Variants in ASB7 observed in about 807,000 individuals in gnomAD.
ASB7 encodes the protein ankyrin repeat and SOCS box protein 7.
Under a neutral mutation model 32.5 loss-of-function variants are expected in ASB7, and 4 were observed. The ratio of observed to expected loss-of-function variants is 0.12; its 90% CI spans 0.06 to 0.28. The LOEUF (loss-of-function observed/expected upper bound fraction) is 0.28, where lower values mean the gene tolerates loss of function less well. Among genes scored for constraint, ASB7 ranks in the 10% least tolerant of loss-of-function variants. The probability of loss-of-function intolerance (pLI) is 1.00; values close to 1 mark genes in which losing one functional copy is unlikely to be tolerated. For synonymous variants in ASB7, 172 were observed against 155.6 expected, an observed-to-expected ratio of 1.11 and a Z score of -0.78; for missense variants, 181 against 407.1, an observed-to-expected ratio of 0.44 and a Z score of 4.78.
chr15:100,615,471 A>C (rs557582728), intron 4 of ASB7, among the ~76,000 whole-genome samples: 1 of 152,228 alleles, frequency 6.6e-6, no homozygotes, highest in Non-Finnish European at 1.5e-5. Context: ...TATAGTATTG[A>C]TAGGTATGGA....
chr15:100,632,548 A>AGGTT (rs1289208310), intron 5 of ASB7, among the ~76,000 whole-genome samples: 3 of 152,274 alleles, frequency 2.0e-5, no homozygotes, highest in Non-Finnish European at 4.4e-5. Context: ...GCTTGAAAGA[A>AGGTT]GGTTGGTTGG....
intron 4 of ASB7, among the ~76,000 whole-genome samples, chr15:100,618,335 G>A (rs532051511): frequency 2.4e-4 from 36 of 151,784 alleles, no homozygotes; most frequent in African/African-American, 8.5e-4. Context: ...GGCTGGTCCC[G>A]AACTCCTGAT....
Position 100,629,180 on chromosome 15 carries a change from C to T in ASB7, c.212-257C>T, listed in dbSNP as rs538045051. 2.6e-5 allele frequency among the ~76,000 whole-genome samples: 4 copies of T among 152,260 alleles called. No homozygotes were observed. In the East Asian group the frequency reaches 7.7e-4, roughly 29 times the overall value. Reference sequence around the variant, plus strand: ...ACAGGGGATGTGGTGATCTGTACTCCGTGTTTTTTGTGTATATCTTTTTAA... The same window carrying T: ...ACAGGGGATGTGGTGATCTGTACTCTGTGTTTTTTGTGTATATCTTTTTAA... On this transcript the variant is annotated intron_variant, in intron 4 of 5. Transcript: ENST00000332783. The surrounding 1 kb of genome is among the most constrained non-coding windows in gnomAD (Gnocchi z 6.8).
At chr15:100,646,490 G>A (rs372900793) in intron 5 of ASB7, 1 of 468,428 alleles carries the variant, frequency 2.1e-6, no homozygotes, top group South Asian at 1.6e-5. Context: ...CCCTTAATAA[G>A]GAAATCAAAC....
chr15:100,606,405 G>A (rs774836052), intron 2 of ASB7, among the ~76,000 whole-genome samples: 11 of 152,166 alleles, frequency 7.2e-5, no homozygotes, highest in Non-Finnish European at 1.6e-4. Flanking sequence ...ATAATAATAT[G>A]CAAAAAGTCA....
rs2040025813 is a variant in ASB7, at chr15:100,650,665, T to C, written c.*2203T>C. The C allele has an allele frequency of 1.3e-5, 2 of 152,220 alleles. No homozygotes were observed. The highest frequency in any genetic ancestry group is 4.8e-5 in the African/African-American group (2 of 41,454). 9.4% of individuals were successfully genotyped at this position (152,220 alleles called of 1,614,324 possible). A position where few individuals can be genotyped will look rare whatever the true frequency, so the allele number is the denominator to read the frequency against. On this transcript the variant is annotated 3_prime_UTR_variant, in exon 6 of 6. Coordinates refer to ENST00000332783, the MANE Select transcript of ASB7 (RefSeq NM_198243.3). ...GATCAGATTAAGGTAAATTCTTTGT[T>C]CTGTATTGCTGCTGTGACTTCAGAA...
At chr15:100,621,780 AGAG>A (rs2039794328) in intron 4 of ASB7, among the ~76,000 whole-genome samples, 1 of 152,122 alleles carries the variant, frequency 6.6e-6, no homozygotes, top group African/African-American at 2.4e-5. Flanking sequence ...GGCAAATGAT[AGAG>A]AAGATAGATG....
intron 4 of ASB7, among the ~76,000 whole-genome samples, chr15:100,617,181 G>A (rs1033888137): frequency 4.6e-5 from 7 of 152,146 alleles, no homozygotes. Context: ...TGCTACAGTG[G>A]TCTCTTCCAT....
intron 5 of ASB7, chr15:100,645,670 C>T (rs1036986835): frequency 2.8e-5 from 39 of 1,409,048 alleles, no homozygotes; most frequent in African/African-American, 7.1e-5. Context: ...AGGTTAGGGA[C>T]GGCAACACGA....
intron 4 of ASB7, among the ~76,000 whole-genome samples, chr15:100,623,709 A>G (rs572320313): frequency 4.6e-5 from 7 of 152,366 alleles, no homozygotes; most frequent in Middle Eastern, 6.8e-3. Context: ...AATACTATGT[A>G]ATCCAGCAGT....
In ASB7 at chr15:100,651,147, T is replaced by C. The variant is rs1015791433; in HGVS notation, c.*2685T>C. ...CCAAAGAAACCAGCTTACAAAAGAT[T>C]ATGATCATTAATGAACTGCAAACCT... On this transcript the variant is annotated 3_prime_UTR_variant, in exon 6 of 6. Coordinates refer to ENST00000332783, the MANE Select transcript of ASB7 (RefSeq NM_198243.3). 3 of 151,962 alleles carry C rather than the reference T, an allele frequency of 2.0e-5. No individual in the cohort carries two copies. The highest frequency in any genetic ancestry group is 4.4e-5 in the Non-Finnish European group (3 of 67,990). The allele number at this position is 151,962 out of a possible 1,614,324, so 9.4% of individuals were successfully genotyped here.
intron 4 of ASB7, among the ~76,000 whole-genome samples, chr15:100,620,433 AC>A (rs1393684098): frequency 6.6e-6 from 1 of 152,174 alleles, no homozygotes; most frequent in Admixed American, 6.5e-5. Context: ...TTGCTGCTTT[AC>A]CTTCAAGCAT....
Position 100,611,484 on chromosome 15 carries a change from C to CTTTTTTTTTTTTT in ASB7, c.-51-681_-51-669dup, listed in dbSNP as rs61153969. Among the ~76,000 whole-genome samples, 75 of 77,132 alleles carry CTTTTTTTTTTTTT rather than the reference C, an allele frequency of 9.7e-4. 8 individuals carry two copies. Among genetic ancestry groups the CTTTTTTTTTTTTT allele is most frequent in the Admixed American group, 1.8e-3 (8 of 4,496 alleles). 50.6% of individuals were successfully genotyped at this position (77,132 alleles called of 152,430 possible). A position where few individuals can be genotyped will look rare whatever the true frequency, so the allele number is the denominator to read the frequency against. On this transcript the variant is annotated intron_variant, in intron 3 of 5. Transcript: ENST00000332783. ...GGTTAATCACCAGATTGTTTCGATTCTTTTTTTTTTTTTGAGACAGAATTT... is the reference window on the plus strand; with the variant it reads ...GGTTAATCACCAGATTGTTTCGATTCTTTTTTTTTTTTTTTTTTTTTTTTTTGAGACAGAATTT...
intron 4 of ASB7, among the ~76,000 whole-genome samples, chr15:100,622,576 C>G (rs556420030): frequency 6.6e-6 from 1 of 152,238 alleles, no homozygotes; most frequent in African/African-American, 2.4e-5. Context: ...GCTCTAGTAA[C>G]CAAAACAGCA....
Position 100,602,896 on chromosome 15 carries a change from G to A in ASB7, c.-423G>A. 1 of 398,252 alleles carries A rather than the reference G, an allele frequency of 2.5e-6. No individual in the cohort carries two copies. Among genetic ancestry groups the A allele is most frequent in the East Asian group, 3.6e-5 (1 of 28,050 alleles). The allele number at this position is 398,252 out of a possible 1,614,324, so 24.7% of individuals were successfully genotyped here. ...ATCGCCACCTCCTGCCTTCTCGGCTGTTCGGATGTTCGCCGGGCTGGGGCC... is the reference window on the plus strand; with the variant it reads ...ATCGCCACCTCCTGCCTTCTCGGCTATTCGGATGTTCGCCGGGCTGGGGCC... On this transcript the variant is annotated 5_prime_UTR_variant, in exon 1 of 6. Transcript: ENST00000332783.
At chr15:100,612,114 A>C in intron 3 of ASB7, 52 bp from the exon 4 acceptor site, 9 of 952,962 alleles carry the variant, frequency 9.4e-6, no homozygotes, top group Non-Finnish European at 1.3e-5. Flanking sequence ...TAGATGCAGT[A>C]TCAGGAACCA....
At position 100,645,900 on chromosome 15, in the gene ASB7, T is replaced by TGC. The variant is rs2039994350; in HGVS notation, c.818-2422_818-2421dup. 5.7e-6 allele frequency: 4 copies of TGC among 700,938 alleles called. No individual in the cohort carries two copies. In the Admixed American group the frequency reaches 6.1e-5, roughly 11 times the overall value. The allele number at this position is 700,938 out of a possible 1,614,324, so 43.4% of individuals were successfully genotyped here. A position where few individuals can be genotyped will look rare whatever the true frequency, so the allele number is the denominator to read the frequency against. On this transcript the variant is annotated intron_variant, in intron 5 of 5. Coordinates refer to ENST00000332783, the MANE Select transcript of ASB7 (RefSeq NM_198243.3). ...CATCTGACCACAGCACTGAGGAGAT[T>TGC]GCTTCCTTGTGGCCAGAGAAGGTCA...
intron 4 of ASB7, among the ~76,000 whole-genome samples, chr15:100,628,194 C>G (rs894304593): frequency 3.9e-5 from 6 of 152,090 alleles, no homozygotes; most frequent in Admixed American, 6.5e-5. Flanking sequence ...TATGGCTTAC[C>G]TAAAAACATC....
chr15:100,607,845 G>T (rs1051715889), intron 2 of ASB7, among the ~76,000 whole-genome samples: 1 of 152,130 alleles, frequency 6.6e-6, no homozygotes, highest in Non-Finnish European at 1.5e-5. Flanking sequence ...TTTCTTGTTG[G>T]GAGAAATAGT....
Sources: allele counts gnomAD v4.1 joint callset (sites outside exome capture counted in the v4.1 genomes callset), GRCh38; gene constraint gnomAD v4.1.1; non-coding constraint Gnocchi (gnomAD v3.1); transcripts MANE v1.5; gene names NCBI Gene and HGNC (gene_info 2026-07-23, HGNC 2026-07-21).